ERGIC2: variants seen among roughly 807,000 people sequenced by gnomAD.
The protein encoded by ERGIC2 is endoplasmic reticulum-Golgi intermediate compartment protein 2.
Under a neutral mutation model 52.5 loss-of-function variants are expected in ERGIC2, and 31 were observed. That is an observed-to-expected ratio of 0.59 (90% confidence interval 0.44 to 0.80). The LOEUF (loss-of-function observed/expected upper bound fraction) is 0.80, where lower values mean the gene tolerates loss of function less well. Among genes scored for constraint, ERGIC2 ranks in the 30% least tolerant of loss-of-function variants. ERGIC2 has a pLI of 0.00. For missense variants in ERGIC2, 395 were observed against 455.2 expected, an observed-to-expected ratio of 0.87 and a Z score of 1.20; for synonymous variants, 129 against 140.6, an observed-to-expected ratio of 0.92 and a Z score of 0.58.
Position 29,337,773 on chromosome 12 carries a change from T to G in ERGIC2, c.*3383A>C, listed in dbSNP as rs753900526. ...AAAATAGGCATTTTGAATTCAAGTG[T>G]AAGCTCTGAATTTTCAAGGAGTTTC... is the stretch of plus-strand genomic sequence containing the variant. On this transcript the variant is annotated 3_prime_UTR_variant, in exon 14 of 14. Transcript: ENST00000360150. 1 of 152,214 alleles carries G rather than the reference T, an allele frequency of 6.6e-6. No homozygotes were observed. Among genetic ancestry groups the G allele is most frequent in the African/African-American group, 2.4e-5 (1 of 41,448 alleles). 9.4% of individuals were successfully genotyped at this position (152,214 alleles called of 1,614,324 possible).
At chr12:29,362,839 A>G (rs749180906) in intron 5 of ERGIC2, among the ~76,000 whole-genome samples, 5 of 152,308 alleles carry the variant, frequency 3.3e-5, no homozygotes, top group East Asian at 1.9e-4. Flanking sequence ...ACATTATAGC[A>G]TATAAGGAAA....
At chr12:29,367,047 C>CAA (rs748343213) in intron 4 of ERGIC2, 100 bp from the exon 5 acceptor site, 557 of 263,684 alleles carry the variant, frequency 2.1e-3, no homozygotes, top group Middle Eastern at 3.7e-3. Context: ...ACTCACCAAG[C>CAA]AAAAAAAAAA....
chr12:29,355,138 A>G (rs1940184709), intron 8 of ERGIC2, among the ~76,000 whole-genome samples: 1 of 151,986 alleles, frequency 6.6e-6, no homozygotes, highest in Non-Finnish European at 1.5e-5. Context: ...CTCTTCTCCT[A>G]GTGTTCAAAG....
chr12:29,347,669 A>G (rs1379043967), intron 10 of ERGIC2, among the ~76,000 whole-genome samples: 5 of 152,198 alleles, frequency 3.3e-5, no homozygotes, highest in African/African-American at 9.6e-5. Flanking sequence ...AACTCCTGCA[A>G]TACTTCTGGA....
chr12:29,353,626 G>A (rs962127974), intron 8 of ERGIC2, among the ~76,000 whole-genome samples: 5 of 151,942 alleles, frequency 3.3e-5, no homozygotes, highest in African/African-American at 1.2e-4. Flanking sequence ...CAGATTTTCA[G>A]ATAAGGGATG....
chr12:29,341,272 C>T (rs1310767008), intron 13 of ERGIC2, 54 bp from the exon 14 acceptor site: 2 of 1,360,458 alleles, frequency 1.5e-6, no homozygotes, highest in Non-Finnish European at 2.1e-6. Flanking sequence ...ATTCCTTATA[C>T]TCTTTCCTCT....
chr12:29,363,859 C>T (rs1306973593), intron 5 of ERGIC2, among the ~76,000 whole-genome samples: 6 of 148,416 alleles, frequency 4.0e-5, no homozygotes, highest in Admixed American at 4.0e-4. Flanking sequence ...AAGAGAGTGA[C>T]CACAACAGTT....
At chr12:29,370,265 A>T (rs1192386655) in intron 2 of ERGIC2, 43 bp from the exon 3 acceptor site, 5 of 1,495,450 alleles carry the variant, frequency 3.3e-6, no homozygotes, top group African/African-American at 2.9e-5. Context: ...TTAAAACAAT[A>T]AAAAAAGCAA....
At chr12:29,369,934 T>C (rs1565544471) in intron 3 of ERGIC2, among the ~76,000 whole-genome samples, 180 bp downstream of exon 3, 1 of 152,014 alleles carries the variant, frequency 6.6e-6, no homozygotes, top group Non-Finnish European at 1.5e-5. Context: ...TCAACCACTA[T>C]TTAAATGATT....
At chr12:29,359,100 T>C (rs2136866187) in intron 6 of ERGIC2, among the ~76,000 whole-genome samples, 1 of 152,010 alleles carries the variant, frequency 6.6e-6, no homozygotes, top group East Asian at 1.9e-4. Context: ...GGTATGCACA[T>C]TAGTTAGGAA....
Position 29,350,024 on chromosome 12 carries a change from A to G in ERGIC2, c.617T>C (p.Val206Ala), listed in dbSNP as rs774859065. ...PRGHAHLAALVNHESYNFSHR... is the reference protein window; with the variant it reads ...PRGHAHLAALANHESYNFSHR... The stretch of plus-strand genomic sequence containing the variant: ...CAGAATCTGCTTACATTCATGGTTG[A>G]CAAGTGCTGCCAAATGTGCATGACC... Residue 206 changes from valine to alanine, a missense_variant, in exon 9 of 14, where the codon GTC (valine) becomes GCC (alanine). Physicochemically the swap from Val to Ala is moderately conservative, Grantham distance 64 (BLOSUM62 0). Coordinates refer to ENST00000360150, the MANE Select transcript of ERGIC2 (RefSeq NM_016570.3). The G allele has an allele frequency of 1.9e-6, 3 of 1,605,680 alleles. No individual in the cohort carries two copies. In the South Asian group the frequency reaches 3.3e-5, roughly 18 times the overall value.
chr12:29,344,540 GTA>G (rs1775278238), intron 11 of ERGIC2, among the ~76,000 whole-genome samples: 3 of 152,176 alleles, frequency 2.0e-5, no homozygotes, highest in Admixed American at 2.0e-4. Context: ...TTGTGTGAGT[GTA>G]TATACACACA....
chr12:29,369,040 TTCTGTGTAATAATTTTCA>T (rs996919968), intron 3 of ERGIC2, among the ~76,000 whole-genome samples: 1 of 151,940 alleles, frequency 6.6e-6, no homozygotes, highest in Non-Finnish European at 1.5e-5. Flanking sequence ...GATAACTTTT[TTCTGTGTAATAATTTTCA>T]TCTGATTTAA....
chr12:29,369,870 C>A (rs1400192716), intron 3 of ERGIC2, among the ~76,000 whole-genome samples: 1 of 151,896 alleles, frequency 6.6e-6, no homozygotes. Flanking sequence ...GAAAAATATT[C>A]CCCTAACTTT....
chr12:29,349,940 A>G, intron 9 of ERGIC2, 73 bp downstream of exon 9: 1 of 900,068 alleles, frequency 1.1e-6, no homozygotes, highest in Admixed American at 2.1e-5. Flanking sequence ...TTTCAACTAC[A>G]CTATATCTGC....
At chr12:29,368,638 A>T (rs1940397029) in intron 3 of ERGIC2, among the ~76,000 whole-genome samples, 3 of 151,918 alleles carry the variant, frequency 2.0e-5, no homozygotes, top group Non-Finnish European at 4.4e-5. Flanking sequence ...AAACTCTCAA[A>T]ATCAAGAATT....
chr12:29,344,723 AG>A (rs1259367861), intron 11 of ERGIC2, among the ~76,000 whole-genome samples: 1 of 152,188 alleles, frequency 6.6e-6, no homozygotes, highest in Admixed American at 6.5e-5. Flanking sequence ...TTATAAGGCT[AG>A]TAAAAGAAAA....
intron 1 of ERGIC2, among the ~76,000 whole-genome samples, chr12:29,378,025 A>T (rs1201983030): frequency 6.6e-6 from 1 of 152,230 alleles, no homozygotes; most frequent in African/African-American, 2.4e-5. Context: ...TACGTTGAAC[A>T]AGATATGTTG....
At chr12:29,379,843 T>C (rs1258817685) in intron 1 of ERGIC2, among the ~76,000 whole-genome samples, 1 of 151,488 alleles carries the variant, frequency 6.6e-6, no homozygotes, top group Admixed American at 6.5e-5. Flanking sequence ...AAGTAACTTC[T>C]GGTAAAGAAA....
Sources: allele counts gnomAD v4.1 joint callset (sites outside exome capture counted in the v4.1 genomes callset), GRCh38; gene constraint gnomAD v4.1.1; transcripts MANE v1.5; gene names NCBI Gene and HGNC (gene_info 2026-07-23, HGNC 2026-07-21).